BANK1: variants seen among roughly 807,000 people sequenced by gnomAD.
BANK1 encodes B cell scaffold protein with ankyrin repeats 1.
BANK1 carries 95 observed loss-of-function variants against 94.5 expected under a neutral mutation model. The ratio of observed to expected loss-of-function variants is 1.00; its 90% confidence interval spans 0.85 to 1.19. The LOEUF (loss-of-function observed/expected upper bound fraction) is 1.19. BANK1 is among the 50% of genes most tolerant of loss of function. The pLI is 0.00. For missense variants in BANK1, 987 were observed against 932.2 expected (o/e 1.06, Z -0.77); for synonymous variants, 334 against 308.4 (o/e 1.08, Z -0.87).
chr4:101,993,697 T>C (rs988429647), intron 7 of BANK1, among the ~76,000 whole-genome samples: 1 of 152,214 alleles, frequency 6.6e-6, no homozygotes, highest in African/African-American at 2.4e-5. Flanking sequence ...ATTAATTTAT[T>C]ATAGCCCAGA....
chr4:101,918,232 A>G (rs761790510), intron 7 of BANK1, 43 bp downstream of exon 7: 1 of 1,368,224 alleles, frequency 7.3e-7, no homozygotes, highest in Admixed American at 2.2e-5. Flanking sequence ...ATTCTGTTTG[A>G]TATTGTAGAA....
In BANK1 at chr4:101,923,492, G is replaced by A. The variant is rs928015180; in HGVS notation, c.1206+5303G>A. ...ATCTTTTGGCACAACCTTTGACATT[G>A]CTTTCTTTGACCCTGCCCTCTTTCT... On this transcript the variant is annotated intron_variant, in intron 7 of 16. Coordinates refer to ENST00000322953, the MANE Select transcript of BANK1 (RefSeq NM_017935.5). Among the ~76,000 whole-genome samples, 20 of 151,702 alleles carry A rather than the reference G, an allele frequency of 1.3e-4. 1 individual carries two copies. The highest frequency in any genetic ancestry group is 1.0e-4 in the Non-Finnish European group (7 of 67,806).
Position 101,867,509 on chromosome 4 carries a change from A to G in BANK1, c.764-2996A>G, listed in dbSNP as rs1052955932. Among the ~76,000 whole-genome samples, 5 of 152,104 alleles carry G rather than the reference A, an allele frequency of 3.3e-5. No individual in the cohort carries two copies. The South Asian group carries it at 6.2e-4, about 19-fold the overall frequency. On this transcript the variant is annotated intron_variant, in intron 4 of 16. Transcript: ENST00000322953. ...ATAAATGAATGAAGGTAAAAACACA[A>G]TATTTCATTTTCCTTATTTTTAATT...
chr4:101,867,462 A>G (rs1339463098), intron 4 of BANK1, among the ~76,000 whole-genome samples: 1 of 130,506 alleles, frequency 7.7e-6, no homozygotes, highest in Non-Finnish European at 1.6e-5. Flanking sequence ...ACTTAGATCT[A>G]CGTAAAGAAA....
At chr4:101,801,980 G>C (rs1725369073) in intron 1 of BANK1, among the ~76,000 whole-genome samples, 1 of 152,202 alleles carries the variant, frequency 6.6e-6, no homozygotes, top group Non-Finnish European at 1.5e-5. Context: ...CTGCCTGCTA[G>C]GGTCTAAGGG....
At chr4:102,071,411 C>T (rs772218524) in intron 14 of BANK1, 107 bp downstream of exon 14, 1 of 1,082,580 alleles carries the variant, frequency 9.2e-7, no homozygotes, top group Non-Finnish European at 1.4e-6. Context: ...TCAGTGTAAA[C>T]ATTCACATAG....
At chr4:101,986,714 T>A (rs1179127892) in intron 7 of BANK1, among the ~76,000 whole-genome samples, 2 of 150,426 alleles carry the variant, frequency 1.3e-5, no homozygotes, top group Non-Finnish European at 3.0e-5. Context: ...CATGTCAAAC[T>A]TATTTCTCAT....
At chr4:102,008,132 TGTTGTAGTACAAA>T (rs1726366637) in intron 7 of BANK1, among the ~76,000 whole-genome samples, 2 of 152,166 alleles carry the variant, frequency 1.3e-5, no homozygotes, top group East Asian at 3.8e-4. Flanking sequence ...GATAGCACCA[TGTTGTAGTACAAA>T]GAGATGTGGA....
chr4:101,878,544 A>T, intron 5 of BANK1, among the ~76,000 whole-genome samples: 1 of 152,222 alleles, frequency 6.6e-6, no homozygotes, highest in East Asian at 1.9e-4. Flanking sequence ...CATCGGACAG[A>T]TATTCCACAC....
intron 7 of BANK1, among the ~76,000 whole-genome samples, chr4:102,015,065 A>C (rs1371941636): frequency 6.6e-6 from 1 of 151,982 alleles, no homozygotes; most frequent in South Asian, 2.1e-4. Context: ...CTCACCATCC[A>C]ACTTCATTTA....
intron 7 of BANK1, among the ~76,000 whole-genome samples, chr4:102,013,696 C>CT (rs977948243): frequency 3.3e-5 from 5 of 150,320 alleles, no homozygotes; most frequent in Non-Finnish European, 5.9e-5. Context: ...AGGAGGAGGT[C>CT]TTTTTTTTTA....
chr4:101,975,181 G>A (rs1370951979), intron 7 of BANK1, among the ~76,000 whole-genome samples: 2 of 152,176 alleles, frequency 1.3e-5, no homozygotes, highest in East Asian at 1.9e-4. Context: ...TCTATGATAG[G>A]AGAGTTCATC....
chr4:101,986,616 A>G (rs1339082291), intron 7 of BANK1, among the ~76,000 whole-genome samples: 1 of 151,522 alleles, frequency 6.6e-6, no homozygotes, highest in African/African-American at 2.4e-5. Context: ...ATTATTATTC[A>G]GATGCTCTCA....
intron 1 of BANK1, among the ~76,000 whole-genome samples, chr4:101,805,701 C>T (rs1349749319): frequency 2.7e-5 from 4 of 150,256 alleles, no homozygotes; most frequent in Non-Finnish European, 5.9e-5. Flanking sequence ...CAAATAAAGT[C>T]GTAGCCATTT....
chr4:101,941,920 G>T (rs866608966), intron 7 of BANK1, among the ~76,000 whole-genome samples: 3 of 151,842 alleles, frequency 2.0e-5, no homozygotes, highest in Admixed American at 1.3e-4. Context: ...CCACTTGTGT[G>T]GGGTAACTGA....
At chr4:101,870,384 T>G in intron 4 of BANK1, 121 bp from the exon 5 acceptor site, 1 of 848,264 alleles carries the variant, frequency 1.2e-6, no homozygotes, top group Non-Finnish European at 1.7e-6. Flanking sequence ...TGATTTTAAG[T>G]GCTAGAGATG....
At chr4:102,019,771 A>G (rs1292841781) in intron 7 of BANK1, among the ~76,000 whole-genome samples, 1 of 151,636 alleles carries the variant, frequency 6.6e-6, no homozygotes, top group Non-Finnish European at 1.5e-5. Flanking sequence ...AGTAAGAAGC[A>G]TTGGTTTTTT....
At chr4:101,926,527 C>G (rs1371712756) in intron 7 of BANK1, among the ~76,000 whole-genome samples, 1 of 151,700 alleles carries the variant, frequency 6.6e-6, no homozygotes, top group Non-Finnish European at 1.5e-5. Context: ...TATTGACTAT[C>G]TGTTAGGTGC....
intron 1 of BANK1, among the ~76,000 whole-genome samples, chr4:101,819,442 A>G (rs1726052519): frequency 6.6e-6 from 1 of 152,152 alleles, no homozygotes; most frequent in Non-Finnish European, 1.5e-5. Context: ...TTGCACCCCA[A>G]ACAAGAATTG....
Sources: gnomAD v4.1 joint callset for allele counts (sites outside exome capture counted in the v4.1 genomes callset) on GRCh38, gnomAD v4.1.1 for gene constraint, MANE v1.5 for transcripts, NCBI Gene and HGNC (gene_info 2026-07-23, HGNC 2026-07-21) for gene names.